Variants in MYBL2 observed in about 807,000 individuals in gnomAD.
MYBL2 encodes the protein MYB proto-oncogene like 2.
In MYBL2, 28 loss-of-function variants were observed where a neutral mutation model predicts 79.9. That is an observed-to-expected ratio of 0.35 (90% CI 0.26 to 0.48). MYBL2 has a LOEUF of 0.48. Among genes scored for constraint, MYBL2 ranks in the 20% least tolerant of loss-of-function variants. MYBL2 has a pLI of 0.99. For missense variants in MYBL2, 735 were observed against 893.9 expected (o/e 0.82, Z 2.27); for synonymous variants, 378 against 361.2 (o/e 1.05, Z -0.53).
chr20:43,715,043 G>A (rs565137993), intron 12 of MYBL2, 91 bp from the exon 13 acceptor site: 43 of 1,465,004 alleles, frequency 2.9e-5, no homozygotes, highest in Middle Eastern at 1.7e-4. Flanking sequence ...CAGCAGCCAG[G>A]TGGTGGTGCT....
chr20:43,702,187 T>G (rs1987688027), intron 7 of MYBL2, among the ~76,000 whole-genome samples: 1 of 151,990 alleles, frequency 6.6e-6, no homozygotes, highest in Non-Finnish European at 1.5e-5. Flanking sequence ...TAGTCCCAAC[T>G]ACTCGGGAGG....
intron 5 of MYBL2, among the ~76,000 whole-genome samples, chr20:43,689,519 C>T (rs577216351): frequency 4.6e-5 from 7 of 152,144 alleles, no homozygotes; most frequent in Non-Finnish European, 8.8e-5. Context: ...GCTCCTCTGT[C>T]GGCCTGCAGT....
chr20:43,696,756 C>T (rs1398815880), intron 6 of MYBL2, among the ~76,000 whole-genome samples: 4 of 152,242 alleles, frequency 2.6e-5, no homozygotes, highest in African/African-American at 9.6e-5. Flanking sequence ...TAGATGGGGT[C>T]TCACTCTGTT....
At chr20:43,714,919 G>A (rs919884203) in intron 12 of MYBL2, among the ~76,000 whole-genome samples, 5 of 152,182 alleles carry the variant, frequency 3.3e-5, no homozygotes, top group East Asian at 1.9e-4. Flanking sequence ...GTGAGCCACC[G>A]CTCCTGGCCC....
At chr20:43,704,099 C>T (rs1987729246) in intron 8 of MYBL2, among the ~76,000 whole-genome samples, 1 of 152,106 alleles carries the variant, frequency 6.6e-6, no homozygotes, top group African/African-American at 2.4e-5. Context: ...CTGCAATCTC[C>T]ACCTTCCAGG....
intron 6 of MYBL2, 77 bp downstream of exon 6, chr20:43,692,396 C>T (rs771652661): frequency 7.0e-5 from 110 of 1,560,776 alleles, no homozygotes; most frequent in Non-Finnish European, 9.4e-5. Flanking sequence ...ACCTTGTCCA[C>T]AGCTATTGGT....
chr20:43,699,733 AT>A, intron 6 of MYBL2, 23 bp from the exon 7 acceptor site: 1 of 1,611,792 alleles, frequency 6.2e-7, no homozygotes, highest in Non-Finnish European at 8.5e-7. Context: ...CGAAATGCAA[AT>A]GGTGTATTCT....
intron 7 of MYBL2, 103 bp downstream of exon 7, chr20:43,700,147 C>G (rs1214862111): frequency 8.4e-5 from 121 of 1,438,808 alleles, no homozygotes; most frequent in Non-Finnish European, 1.1e-4. Flanking sequence ...GCCCTGCTAA[C>G]AGTTACTGAC....
chr20:43,682,758 C>G (rs1987174629), intron 3 of MYBL2, 36 bp from the exon 4 acceptor site: 4 of 1,607,052 alleles, frequency 2.5e-6, no homozygotes, highest in Non-Finnish European at 3.4e-6. Context: ...CCCAGAAGTT[C>G]TCACAGATTG....
intron 1 of MYBL2, among the ~76,000 whole-genome samples, chr20:43,671,926 T>A (rs1427009528): frequency 6.6e-6 from 1 of 150,454 alleles, no homozygotes; most frequent in Non-Finnish European, 1.5e-5. Flanking sequence ...TATTGTACAC[T>A]GGGCCGGGCG....
chr20:43,714,641 T>C (rs1987986962), intron 12 of MYBL2, among the ~76,000 whole-genome samples: 1 of 152,178 alleles, frequency 6.6e-6, no homozygotes, highest in Admixed American at 6.5e-5. Context: ...GCTTAATTTT[T>C]TTTTGAGACG....
rs1166103160 is a variant in MYBL2 at position 43,681,863 on chromosome 20, C to T, written c.186+8C>T. 2 of 1,614,086 alleles carry T rather than the reference C, an allele frequency of 1.2e-6. No individual in the cohort carries two copies. The highest frequency in any genetic ancestry group is 2.2e-5 in the South Asian group (2 of 91,068). On this transcript the variant is annotated splice_region_variant and intron_variant, in intron 3 of 13. Transcript: ENST00000217026. ...CTGGCCAGCCACTTCCCTGTGAGTA[C>T]AGTCCTGCTGTGGCCCTCCCTCGGG... is the stretch of plus-strand genomic sequence containing the variant.
chr20:43,688,474 C>G (rs1987331867), intron 5 of MYBL2, among the ~76,000 whole-genome samples: 1 of 152,086 alleles, frequency 6.6e-6, no homozygotes. Context: ...GGATTACAGG[C>G]ATGAGCCACT....
chr20:43,696,834 C>A (rs553211302), intron 6 of MYBL2, among the ~76,000 whole-genome samples: 85 of 152,396 alleles, frequency 5.6e-4, no homozygotes, highest in African/African-American at 1.9e-3. Context: ...TGAAGTGATT[C>A]TCCTGCCTCA....
chr20:43,704,268 G>A (rs1390768503), intron 8 of MYBL2, among the ~76,000 whole-genome samples: 2 of 152,024 alleles, frequency 1.3e-5, no homozygotes, highest in Admixed American at 6.6e-5. Context: ...CACCTGCCTC[G>A]GCCTCCCAAA....
At chr20:43,699,036 A>G (rs554270760) in intron 6 of MYBL2, among the ~76,000 whole-genome samples, 2 of 151,844 alleles carry the variant, frequency 1.3e-5, no homozygotes, top group African/African-American at 4.8e-5. Context: ...AGCATTAAAA[A>G]TTTATTTTTT....
At chr20:43,697,883 T>C (rs1276960457) in intron 6 of MYBL2, among the ~76,000 whole-genome samples, 1 of 149,198 alleles carries the variant, frequency 6.7e-6, no homozygotes, top group African/African-American at 2.5e-5. Flanking sequence ...CCACTGCATT[T>C]CAGCCTGGGC....
intron 12 of MYBL2, among the ~76,000 whole-genome samples, chr20:43,713,391 CTT>C (rs1264826252): frequency 7.1e-5 from 10 of 141,536 alleles, no homozygotes; most frequent in Non-Finnish European, 4.6e-5. Context: ...CTTTTTTTTT[CTT>C]TTTTTTTTTT....
chr20:43,711,526 G>A lies in MYBL2; in HGVS notation c.1644G>A (p.Val548=), dbSNP rs538589567. ...ACCTGGAGGAGGACTTGAAGGAGGTGCTGCGTTCTGAGGCTGGCATCGAAC... is the reference window on the plus strand; with the variant it reads ...ACCTGGAGGAGGACTTGAAGGAGGTACTGCGTTCTGAGGCTGGCATCGAAC... The part of the protein sequence containing the change: ...TPHLEEDLKE[V]LRSEAGIELI... Residue 548 remains valine (V), a synonymous_variant, in exon 11 of 14, where the codon GTG becomes GTA. Transcript: ENST00000217026. 10 of 1,613,770 alleles carry A rather than the reference G, an allele frequency of 6.2e-6. No individual in the cohort carries two copies. In the South Asian group the frequency reaches 7.7e-5, roughly 12 times the overall value.
Sources: allele counts gnomAD v4.1 joint callset (sites outside exome capture counted in the v4.1 genomes callset), GRCh38; gene constraint gnomAD v4.1.1; transcripts MANE v1.5; gene names NCBI Gene and HGNC (gene_info 2026-07-23, HGNC 2026-07-21).